Variants in ABHD17B observed in about 807,000 individuals in gnomAD.
ABHD17B encodes abhydrolase domain containing 17B, depalmitoylase, also known as alpha/beta hydrolase domain-containing protein 17B.
ABHD17B carries 9 observed loss-of-function variants against 26.2 expected under a neutral mutation model. The ratio of observed to expected loss-of-function variants is 0.34; its 90% CI spans 0.21 to 0.60. The LOEUF is 0.60. Ranked by LOEUF, ABHD17B falls within the 20% of genes least tolerant of loss-of-function variation. The pLI, the probability that ABHD17B is intolerant of heterozygous loss-of-function variation, is 0.80. For synonymous variants in ABHD17B, 127 were observed against 122.3 expected (o/e 1.04, Z -0.25); for missense variants, 224 against 352.1 (o/e 0.64, Z 2.91).
intron 1 of ABHD17B, among the ~76,000 whole-genome samples, chr9:71,901,785 AACG>A (rs1422771344): frequency 6.6e-6 from 1 of 152,130 alleles, no homozygotes; most frequent in Non-Finnish European, 1.5e-5. Context: ...TTTTTAGCTC[AACG>A]ACTTTTCAAT....
chr9:71,888,014 G>A (rs1381345490), intron 1 of ABHD17B, among the ~76,000 whole-genome samples: 1 of 152,186 alleles, frequency 6.6e-6, no homozygotes, highest in East Asian at 1.9e-4. Flanking sequence ...GTAAGCTGAA[G>A]TTGCAAGTAA....
rs1414717436 is a variant in ABHD17B at position 71,899,739 on chromosome 9, C to T, written c.-4+10895G>A. The stretch of plus-strand genomic sequence containing the variant: ...ACTATGAGACATAGAGCTTCTCTGG[C>T]AAAATTATACTAAATCCTCCCTCTT... On this transcript the variant is annotated intron_variant, in intron 1 of 3. Coordinates refer to ENST00000333421, the MANE Select transcript of ABHD17B (RefSeq NM_001025780.3). 2.0e-5 allele frequency among the ~76,000 whole-genome samples: 3 copies of T among 152,016 alleles called. No individual in the cohort carries two copies. In the East Asian group the frequency reaches 5.8e-4, roughly 29 times the overall value.
At chr9:71,872,247 A>G (rs1004840990) in intron 2 of ABHD17B, among the ~76,000 whole-genome samples, 1 of 152,192 alleles carries the variant, frequency 6.6e-6, no homozygotes, top group African/African-American at 2.4e-5. Flanking sequence ...TTTCAACACG[A>G]AAGAAAACAC....
intron 1 of ABHD17B, among the ~76,000 whole-genome samples, chr9:71,875,604 A>G (rs1826250298): frequency 6.6e-6 from 1 of 152,162 alleles, no homozygotes; most frequent in East Asian, 1.9e-4. Flanking sequence ...CAAATCCTAT[A>G]TGACAGGTTT....
intron 1 of ABHD17B, among the ~76,000 whole-genome samples, chr9:71,898,792 A>C (rs566810649): frequency 1.9e-3 from 295 of 152,164 alleles, no homozygotes; most frequent in Non-Finnish European, 3.1e-3. Context: ...GAGCTCAGGC[A>C]TTTGAGACCA....
intron 1 of ABHD17B, among the ~76,000 whole-genome samples, chr9:71,906,753 G>A (rs2132216913): frequency 6.6e-6 from 1 of 152,172 alleles, no homozygotes; most frequent in Non-Finnish European, 1.5e-5. Flanking sequence ...AGGAGTTTGA[G>A]GTTACAGTGA....
At chr9:71,901,402 T>C (rs1337699160) in intron 1 of ABHD17B, among the ~76,000 whole-genome samples, 1 of 152,192 alleles carries the variant, frequency 6.6e-6, no homozygotes, top group Non-Finnish European at 1.5e-5. Context: ...TTTTCAATCT[T>C]CAATTTATAC....
At chr9:71,907,805 G>A (rs112676247) in intron 1 of ABHD17B, among the ~76,000 whole-genome samples, 14 of 152,100 alleles carry the variant, frequency 9.2e-5, no homozygotes, top group African/African-American at 2.9e-4. Flanking sequence ...GTGAGCCACC[G>A]AGCCTGGCCG....
chr9:71,880,585 A>T (rs1362581848), intron 1 of ABHD17B, among the ~76,000 whole-genome samples: 1 of 152,140 alleles, frequency 6.6e-6, no homozygotes, highest in Non-Finnish European at 1.5e-5. Context: ...GTATTAAAAC[A>T]AATGAGACTT....
At chr9:71,872,268 T>C (rs1826136206) in intron 2 of ABHD17B, among the ~76,000 whole-genome samples, 1 of 152,150 alleles carries the variant, frequency 6.6e-6, no homozygotes, top group Non-Finnish European at 1.5e-5. Flanking sequence ...AGGTCTAAAA[T>C]TCTAAAATAT....
chr9:71,895,628 A>G (rs1195127410), intron 1 of ABHD17B, among the ~76,000 whole-genome samples: 1 of 152,242 alleles, frequency 6.6e-6, no homozygotes, highest in Non-Finnish European at 1.5e-5. Flanking sequence ...TCAGCCTCTG[A>G]AACACCAATC....
intron 1 of ABHD17B, among the ~76,000 whole-genome samples, chr9:71,878,341 T>C (rs890951820): frequency 2.3e-4 from 35 of 152,090 alleles, no homozygotes; most frequent in African/African-American, 8.4e-4. Flanking sequence ...AACAACAAAA[T>C]TTAATAGATA....
At position 71,891,928 on chromosome 9, in the gene ABHD17B, G is replaced by A. The variant is rs1232081751; in HGVS notation, c.-3-16845C>T. On this transcript the variant is annotated intron_variant, in intron 1 of 3. Transcript: ENST00000333421. ...TAAATTCTTCTAGTGAGATGCCAAC[G>A]AAGCCTTTGGACAGCACGATAGCAC... Among the ~76,000 whole-genome samples, 7 of 152,210 alleles carry A rather than the reference G, an allele frequency of 4.6e-5. No individual in the cohort carries two copies. The South Asian group carries it at 1.5e-3, about 32-fold the overall frequency.
chr9:71,888,272 C>G (rs1826670973), intron 1 of ABHD17B, among the ~76,000 whole-genome samples: 1 of 152,344 alleles, frequency 6.6e-6, no homozygotes, highest in East Asian at 1.9e-4. Flanking sequence ...AAAAGTCACA[C>G]CTTTACCTGT....
chr9:71,901,107 G>A (rs1463737893), intron 1 of ABHD17B, among the ~76,000 whole-genome samples: 7 of 151,916 alleles, frequency 4.6e-5, no homozygotes, highest in South Asian at 2.1e-4. Context: ...AGCCGAGATC[G>A]TGCCACTGCA....
intron 1 of ABHD17B, among the ~76,000 whole-genome samples, chr9:71,901,174 A>AT (rs35622710): frequency 0.032 from 4,700 of 146,020 alleles, 99 homozygotes; most frequent in Non-Finnish European, 0.043. Flanking sequence ...TAAATAAATA[A>AT]TTTTTTTTTT....
Position 71,865,934 on chromosome 9 carries a change from A to C in ABHD17B, c.*853T>G. On this transcript the variant is annotated 3_prime_UTR_variant, in exon 4 of 4. Coordinates refer to ENST00000333421, the MANE Select transcript of ABHD17B (RefSeq NM_001025780.3). ...TGTTAGTGGTCTTTAAGATCAACTC[A>C]TGGACTTTCGGGATTTCATACAATG... The C allele has an allele frequency of 5.1e-6, 5 of 985,428 alleles. No individual in the cohort carries two copies. Among genetic ancestry groups the C allele is most frequent in the Non-Finnish European group, 6.0e-6 (5 of 829,912 alleles). 61.0% of individuals were successfully genotyped at this position (985,428 alleles called of 1,614,324 possible).
In ABHD17B at chr9:71,870,257, C is replaced by T; in HGVS notation, c.473G>A (p.Gly158Asp). 6.3e-7 allele frequency: 1 copy of T among 1,584,842 alleles called. No individual in the cohort carries two copies. Among genetic ancestry groups the T allele is most frequent in the Non-Finnish European group, 8.6e-7 (1 of 1,168,736 alleles). Residue 158 changes from glycine to aspartate, a missense_variant, in exon 3 of 4, where the codon GGC becomes GAC. By Grantham distance (94) the Gly-to-Asp change is moderately conservative. Transcript: ENST00000333421. ...AAWLALRTRY[G>D]IRPENVIIYG... Reference sequence around the variant, plus strand: ...TATAATCACATTTTCAGGGCGAATGCCATATCTACAAAGTTCAGGCGTTAA... The same window carrying T: ...TATAATCACATTTTCAGGGCGAATGTCATATCTACAAAGTTCAGGCGTTAA...
At position 71,894,087 on chromosome 9, in the gene ABHD17B, C is replaced by CAAAAAAAAAAAAAAAAAAAAAAAAAAA. The variant is rs1180729763; in HGVS notation, c.-4+16520_-4+16546dup. Among the ~76,000 whole-genome samples the CAAAAAAAAAAAAAAAAAAAAAAAAAAA allele has an allele frequency of 3.8e-5, 2 of 52,324 alleles. 1 individual carries two copies. The highest frequency in any genetic ancestry group is 1.7e-4 in the African/African-American group (2 of 11,630). 34.3% of individuals were successfully genotyped at this position (52,324 alleles called of 152,430 possible). On this transcript the variant is annotated intron_variant, in intron 1 of 3. Transcript: ENST00000333421. ...TGGGCGACAGAGCGAGACTCTATCT[C>CAAAAAAAAAAAAAAAAAAAAAAAAAAA]AAAAAAAAAAAAAAAAAAAAAAAAA...
Sources: gnomAD v4.1 joint callset for allele counts (sites outside exome capture counted in the v4.1 genomes callset) on GRCh38, gnomAD v4.1.1 for gene constraint, MANE v1.5 for transcripts, NCBI Gene and HGNC (gene_info 2026-07-23, HGNC 2026-07-21) for gene names.